Variants in ADGRV1 observed in about 807,000 individuals in gnomAD.
ADGRV1 encodes G-protein coupled receptor 98.
ADGRV1 carries 359 observed loss-of-function variants against 596.2 expected under a neutral mutation model. The observed-to-expected ratio is 0.60, with a 90% confidence interval of 0.55 to 0.66. ADGRV1 has a LOEUF of 0.66. Among genes scored for constraint, ADGRV1 ranks in the 30% least tolerant of loss-of-function variants. The pLI is 0.00. For missense variants in ADGRV1, 7,274 were observed against 7,575.6 expected (o/e 0.96, Z 1.48); for synonymous variants, 2,681 against 2,679.2 (o/e 1.00, Z -0.02).
intron 71 of ADGRV1, among the ~76,000 whole-genome samples, 159 bp downstream of exon 71, chr5:90,803,041 T>G (rs763852705): frequency 3.9e-5 from 6 of 152,120 alleles, no homozygotes; most frequent in Non-Finnish European, 5.9e-5. Flanking sequence ...ATATATTATA[T>G]AAAATAATTA....
intron 83 of ADGRV1, among the ~76,000 whole-genome samples, chr5:90,888,519 AC>A (rs1481402713): frequency 1.3e-5 from 2 of 152,208 alleles, no homozygotes; most frequent in Admixed American, 1.3e-4. Context: ...TTGGAATGAT[AC>A]ATTCAAACAT....
At chr5:90,650,336 TA>T (rs1423919017) in intron 17 of ADGRV1, among the ~76,000 whole-genome samples, 1 of 152,236 alleles carries the variant, frequency 6.6e-6, no homozygotes, top group Non-Finnish European at 1.5e-5. Context: ...ATGCATATGA[TA>T]ATAGAACCCT....
chr5:91,032,015 G>A (rs1319475690), intron 85 of ADGRV1, among the ~76,000 whole-genome samples: 1 of 141,844 alleles, frequency 7.1e-6, no homozygotes, highest in Non-Finnish European at 1.5e-5. Flanking sequence ...AGTGCCACAT[G>A]TTGGGAGCAG....
chr5:90,978,176 T>G (rs2151021544), intron 84 of ADGRV1, among the ~76,000 whole-genome samples: 1 of 151,978 alleles, frequency 6.6e-6, no homozygotes, highest in East Asian at 1.9e-4. Flanking sequence ...GCGCCTGTAG[T>G]CCCAGCTACT....
intron 76 of ADGRV1, among the ~76,000 whole-genome samples, chr5:90,826,384 G>A (rs1052711878): frequency 6.6e-6 from 1 of 152,096 alleles, no homozygotes; most frequent in Non-Finnish European, 1.5e-5. Flanking sequence ...ACTTATTCTT[G>A]GAGTCACTGG....
chr5:91,060,760 T>C (rs535106331), intron 85 of ADGRV1, among the ~76,000 whole-genome samples: 1 of 152,366 alleles, frequency 6.6e-6, no homozygotes, highest in South Asian at 2.1e-4. Context: ...TGTTCACCCC[T>C]GCAGGGGATG....
intron 87 of ADGRV1, among the ~76,000 whole-genome samples, chr5:91,119,001 A>G (rs1305640222): frequency 6.6e-6 from 1 of 151,954 alleles, no homozygotes; most frequent in Non-Finnish European, 1.5e-5. Context: ...ATCTATCTTG[A>G]TCATTCTCAT....
Position 90,759,313 on chromosome 5 carries a change from C to A in ADGRV1, c.11941-96C>A, listed in dbSNP as rs76883417. On this transcript the variant is annotated intron_variant, in intron 57 of 89. Transcript: ENST00000405460. ...TCAACTAAAAAATTAAAATATATGT[C>A]AGCAAAAACTGTGATTACATTATTT... 24,221 of 922,978 alleles carry A rather than the reference C, an allele frequency of 0.026. 3,946 individuals are homozygous for A. The African/African-American group carries it at 0.36, about 14-fold the overall frequency. 57.2% of individuals were successfully genotyped at this position (922,978 alleles called of 1,614,324 possible). A position where few individuals can be genotyped will look rare whatever the true frequency, so the allele number is the denominator to read the frequency against.
At chr5:91,070,593 G>C (rs999225745) in intron 85 of ADGRV1, among the ~76,000 whole-genome samples, 1 of 152,140 alleles carries the variant, frequency 6.6e-6, no homozygotes, top group African/African-American at 2.4e-5. Flanking sequence ...CCTGTTTAAC[G>C]TTCCTCCATT....
chr5:90,695,728 G>A (rs2149651180), intron 33 of ADGRV1, among the ~76,000 whole-genome samples: 1 of 151,980 alleles, frequency 6.6e-6, no homozygotes, highest in South Asian at 2.1e-4. Context: ...TTTAAAAATT[G>A]TATAAAATAT....
intron 23 of ADGRV1, 90 bp downstream of exon 23, chr5:90,674,324 C>A: frequency 1.0e-6 from 1 of 983,356 alleles, no homozygotes; most frequent in Non-Finnish European, 1.4e-6. Flanking sequence ...TTGCAAATGA[C>A]GGAAGTAGAA....
chr5:91,101,625 G>C (rs1264218966), intron 86 of ADGRV1, among the ~76,000 whole-genome samples: 1 of 152,174 alleles, frequency 6.6e-6, no homozygotes, highest in Non-Finnish European at 1.5e-5. Context: ...TTCTGAAAAC[G>C]TCTGAAACAA....
In ADGRV1 at chr5:90,811,163, T is replaced by C; in HGVS notation, c.15903T>C (p.Leu5301=). 6.2e-7 allele frequency: 1 copy of C among 1,613,864 alleles called. No homozygotes were observed. The highest frequency in any genetic ancestry group is 8.5e-7 in the Non-Finnish European group (1 of 1,179,806). The part of the protein sequence containing the change: ...EEDFEEQTLT[L]IFLDGERERK... Reference sequence around the variant, plus strand: ...ACTTTGAAGAACAAACTCTTACCCTTATATTCCTAGATGGAGAAAGAGAAC... The same window carrying C: ...ACTTTGAAGAACAAACTCTTACCCTCATATTCCTAGATGGAGAAAGAGAAC... The change falls in exon 74 of 90, where the codon CTT becomes CTC. Residue 5301 remains leucine, a synonymous_variant. Coordinates refer to ENST00000405460, the MANE Select transcript of ADGRV1 (RefSeq NM_032119.4).
At position 90,619,707 on chromosome 5, in the gene ADGRV1, C is replaced by T. The variant is rs569102501; in HGVS notation, c.453+526C>T. ...TGCTGGTGTGCTGCACCCATTAACT[C>T]GTCATTTAGCATTAGGTATATCTCC... On this transcript the variant is annotated intron_variant, in intron 4 of 89. Coordinates refer to ENST00000405460, the MANE Select transcript of ADGRV1 (RefSeq NM_032119.4). Among the ~76,000 whole-genome samples the T allele has an allele frequency of 1.3e-3, 198 of 151,340 alleles. 1 individual carries two copies. The highest frequency in any genetic ancestry group is 4.6e-3 in the African/African-American group (189 of 41,198).
intron 84 of ADGRV1, among the ~76,000 whole-genome samples, chr5:90,969,230 TG>T (rs1363303040): frequency 2.0e-5 from 3 of 152,210 alleles, no homozygotes; most frequent in East Asian, 3.8e-4. Context: ...GAACTTGAAA[TG>T]GTGTCTGGGA....
chr5:91,082,221 G>A (rs1232234681), intron 86 of ADGRV1, among the ~76,000 whole-genome samples: 1 of 152,218 alleles, frequency 6.6e-6, no homozygotes, highest in African/African-American at 2.4e-5. Context: ...GAGAATTAAT[G>A]AAACATTCCC....
chr5:90,648,803 T>C (rs1364990050), intron 17 of ADGRV1, among the ~76,000 whole-genome samples: 2 of 152,214 alleles, frequency 1.3e-5, no homozygotes, highest in East Asian at 3.8e-4. Context: ...AATTTGAATT[T>C]GTAGAATAAA....
intron 86 of ADGRV1, among the ~76,000 whole-genome samples, chr5:91,090,015 T>C (rs1472271525): frequency 6.6e-6 from 1 of 152,206 alleles, no homozygotes; most frequent in African/African-American, 2.4e-5. Context: ...ACTTCATATT[T>C]GTTTTAGAAC....
At chr5:90,598,502 G>C (rs1439998801) in intron 1 of ADGRV1, among the ~76,000 whole-genome samples, 1 of 152,210 alleles carries the variant, frequency 6.6e-6, no homozygotes, top group Non-Finnish European at 1.5e-5. Context: ...CACATACAGA[G>C]TACGTGCTGA....
Sources: allele counts gnomAD v4.1 joint callset (sites outside exome capture counted in the v4.1 genomes callset), GRCh38; gene constraint gnomAD v4.1.1; transcripts MANE v1.5; gene names NCBI Gene and HGNC (gene_info 2026-07-23, HGNC 2026-07-21).